SYNE2: variants seen among roughly 807,000 people sequenced by gnomAD.
SYNE2 encodes nesprin-2.
In SYNE2, 431 loss-of-function variants were observed where a neutral mutation model predicts 856.3. That is an observed-to-expected ratio of 0.50 (90% CI 0.47 to 0.55). SYNE2 has a LOEUF of 0.55. Among genes scored for constraint, SYNE2 ranks in the 20% least tolerant of loss-of-function variants. SYNE2 has a pLI of 0.00. For synonymous variants in SYNE2, 2,923 were observed against 2,872.3 expected (o/e 1.02, Z -0.56); for missense variants, 8,129 against 8,023.2 (o/e 1.01, Z -0.50).
At chr14:63,937,567 TTAA>T (rs772169568) in intron 2 of SYNE2, among the ~76,000 whole-genome samples, 35 of 152,112 alleles carry the variant, frequency 2.3e-4, no homozygotes, top group Admixed American at 3.3e-4. Context: ...TCAGCTGAGT[TTAA>T]TGATGAGGGA....
chr14:63,958,245 T>C (rs1013511369), intron 8 of SYNE2, among the ~76,000 whole-genome samples: 1 of 152,226 alleles, frequency 6.6e-6, no homozygotes, highest in Non-Finnish European at 1.5e-5. Context: ...ATTCATATTT[T>C]CTTAGTGTTT....
Position 64,113,377 on chromosome 14 carries a change from T to A in SYNE2, c.12646T>A (p.Ser4216Thr). ...TPPIEADTLDSSDAQGGLEPR... is the reference protein window; with the variant it reads ...TPPIEADTLDTSDAQGGLEPR... Reference sequence around the variant, plus strand: ...TCCTATTGAGGCTGACACTCTGGACTCTTCTGACGCGCAAGGAGGTTTGGA... The same window carrying A: ...TCCTATTGAGGCTGACACTCTGGACACTTCTGACGCGCAAGGAGGTTTGGA... The change falls in exon 66 of 116, where the codon TCT (serine) becomes ACT (threonine). Residue 4216 changes from serine to threonine, a missense_variant. Around this residue, in one of 3 missense-constraint regions of SYNE2, gnomAD observed 5,410 missense variants for 5,284.8 expected, o/e 1.02. Transcript: ENST00000555002. 1.2e-6 allele frequency: 2 copies of A among 1,614,142 alleles called. No homozygotes were observed. The highest frequency in any genetic ancestry group is 8.5e-7 in the Non-Finnish European group (1 of 1,180,040).
At chr14:64,009,543 A>G (rs2153516212) in intron 31 of SYNE2, among the ~76,000 whole-genome samples, 2 of 151,224 alleles carry the variant, frequency 1.3e-5, no homozygotes, top group South Asian at 4.2e-4. Flanking sequence ...CTCAAAAAAA[A>G]AAAAAAAAAA....
chr14:64,141,235 T>C (rs1467198253), intron 80 of SYNE2, 106 bp from the exon 81 acceptor site: 1 of 860,512 alleles, frequency 1.2e-6, no homozygotes, highest in Non-Finnish European at 1.8e-6. Flanking sequence ...TGTATACACA[T>C]TCGTATATTT....
rs367549881 is a variant in SYNE2, at chr14:64,002,763, G to A, written c.3830G>A (p.Arg1277His). 175 of 1,613,402 alleles carry A rather than the reference G, an allele frequency of 1.1e-4. No individual in the cohort carries two copies. The highest frequency in any genetic ancestry group is 1.7e-4 in the Middle Eastern group (1 of 5,828). Residue 1277 changes from arginine to histidine, a missense_variant, in exon 30 of 116, where the codon CGC (arginine) becomes CAC (histidine). Coordinates refer to ENST00000555002, the MANE Select transcript of SYNE2 (RefSeq NM_182914.3). Reference sequence around the variant, plus strand: ...GCAAAACAGATTGAAATATGTAACCGCTTAGAAGAGCCAGGCAACTTTGTA... The same window carrying A: ...GCAAAACAGATTGAAATATGTAACCACTTAGAAGAGCCAGGCAACTTTGTA... ...SIAKQIEICNRLEEPGNFVLK... is the reference protein window; with the variant it reads ...SIAKQIEICNHLEEPGNFVLK...
intron 54 of SYNE2, 100 bp downstream of exon 54, chr14:64,076,200 G>A (rs1484419310): frequency 1.5e-6 from 2 of 1,356,554 alleles, no homozygotes; most frequent in South Asian, 1.3e-5. Flanking sequence ...CAGGATTTCA[G>A]CTATAACTTC....
At chr14:64,141,183 T>C (rs936435537) in intron 80 of SYNE2, among the ~76,000 whole-genome samples, 158 bp from the exon 81 acceptor site, 8 of 152,080 alleles carry the variant, frequency 5.3e-5, no homozygotes, top group Non-Finnish European at 8.8e-5. Context: ...CCATCGTGTA[T>C]GTAATGCCCA....
chr14:64,037,133 C>A (rs2097096764), intron 45 of SYNE2, among the ~76,000 whole-genome samples: 1 of 138,204 alleles, frequency 7.2e-6, no homozygotes, highest in Non-Finnish European at 1.6e-5. Context: ...ACTGTCTCCT[C>A]TTTTTTTTTT....
At chr14:63,766,972 A>G (rs1022019286) in intron 1 of SYNE2, among the ~76,000 whole-genome samples, 4 of 152,220 alleles carry the variant, frequency 2.6e-5, no homozygotes, top group African/African-American at 9.6e-5. Context: ...GAAAGTTATC[A>G]TAAAATTTAG....
At chr14:64,059,619 A>G (rs778470404) in intron 49 of SYNE2, among the ~76,000 whole-genome samples, 41 of 152,254 alleles carry the variant, frequency 2.7e-4, no homozygotes, top group Non-Finnish European at 5.1e-4. Flanking sequence ...ATCAGACCTG[A>G]AGTCAGCACA....
intron 35 of SYNE2, 79 bp downstream of exon 35, chr14:64,020,172 G>A (rs542345604): frequency 1.0e-5 from 10 of 978,932 alleles, no homozygotes; most frequent in Non-Finnish European, 1.4e-5. Context: ...CAGCCTGGGC[G>A]ACAGAGCAAA....
chr14:63,962,458 T>C (rs919697387), intron 9 of SYNE2, among the ~76,000 whole-genome samples: 1 of 152,236 alleles, frequency 6.6e-6, no homozygotes, highest in African/African-American at 2.4e-5. Context: ...TGGTTGTTAG[T>C]GTATTTACAT....
intron 2 of SYNE2, among the ~76,000 whole-genome samples, chr14:63,913,041 T>C (rs1232944981): frequency 2.0e-5 from 3 of 151,952 alleles, no homozygotes; most frequent in Non-Finnish European, 4.4e-5. Flanking sequence ...TCAAGTGATC[T>C]TCCCACCTCG....
chr14:64,183,944 T>G (rs1352258241), intron 96 of SYNE2, among the ~76,000 whole-genome samples: 2 of 92,030 alleles, frequency 2.2e-5, no homozygotes, highest in African/African-American at 8.8e-5. Flanking sequence ...GAGGGAGACG[T>G]GGAAAGAAGG....
chr14:64,193,352 C>T (rs1337706218), intron 99 of SYNE2, among the ~76,000 whole-genome samples: 1 of 152,180 alleles, frequency 6.6e-6, no homozygotes, highest in Non-Finnish European at 1.5e-5. Flanking sequence ...GAGTTTGAGA[C>T]CAGCCTGGCT....
chr14:63,961,677 G>C, intron 9 of SYNE2, 52 bp downstream of exon 9: 1 of 1,314,704 alleles, frequency 7.6e-7, no homozygotes, highest in Non-Finnish European at 1.1e-6. Context: ...TCCTGCTAAT[G>C]GTTTAATTTT....
intron 45 of SYNE2, among the ~76,000 whole-genome samples, chr14:64,039,044 C>T (rs143547325): frequency 2.7e-4 from 41 of 152,246 alleles, no homozygotes; most frequent in African/African-American, 9.6e-4. Flanking sequence ...GTCACATTAA[C>T]ATTTTAGATG....
At chr14:64,150,320 A>AAAAG (rs1567469948) in intron 84 of SYNE2, among the ~76,000 whole-genome samples, 5 of 140,078 alleles carry the variant, frequency 3.6e-5, no homozygotes, top group Non-Finnish European at 7.6e-5. Context: ...AAAAAAAAAA[A>AAAAG]AGGATCCTCC....
intron 1 of SYNE2, among the ~76,000 whole-genome samples, chr14:63,814,324 C>CA (rs1192480603): frequency 6.7e-6 from 1 of 148,410 alleles, no homozygotes; most frequent in Non-Finnish European, 1.5e-5. Context: ...CAAAACAAAA[C>CA]AAAAAACTGC....
Sources: gnomAD v4.1 joint callset for allele counts (sites outside exome capture counted in the v4.1 genomes callset) on GRCh38, gnomAD v4.1.1 for gene constraint, gnomAD v4.1.1 regional missense constraint, MANE v1.5 for transcripts, NCBI Gene and HGNC (gene_info 2026-07-23, HGNC 2026-07-21) for gene names.